MYRIP: variants seen among roughly 807,000 people sequenced by gnomAD.
MYRIP encodes rab effector MyRIP.
In MYRIP, 49 loss-of-function variants were observed where a neutral mutation model predicts 98.0. The observed-to-expected ratio is 0.50, with a 90% CI of 0.40 to 0.63. The LOEUF (loss-of-function observed/expected upper bound fraction) is 0.63. Ranked by LOEUF, MYRIP falls within the 30% of genes least tolerant of loss-of-function variation. MYRIP has a pLI of 0.00. For synonymous variants in MYRIP, 404 were observed against 409.5 expected (o/e 0.99, Z 0.16); for missense variants, 1,004 against 1,058.2 (o/e 0.95, Z 0.71).
chr3:39,900,323 A>T (rs1026911793), intron 1 of MYRIP, among the ~76,000 whole-genome samples: 2 of 151,278 alleles, frequency 1.3e-5, no homozygotes, highest in African/African-American at 2.4e-5. Context: ...GGGATATATT[A>T]TACATAGGAT....
intron 3 of MYRIP, among the ~76,000 whole-genome samples, chr3:40,076,950 G>A (rs1948356380): frequency 6.6e-6 from 1 of 151,848 alleles, no homozygotes; most frequent in Non-Finnish European, 1.5e-5. Flanking sequence ...CTTTTTCATT[G>A]CATATGACAG....
intron 3 of MYRIP, among the ~76,000 whole-genome samples, chr3:40,075,785 G>A (rs1222314889): frequency 1.3e-5 from 2 of 151,968 alleles, no homozygotes; most frequent in Admixed American, 6.6e-5. Context: ...GAGGGTGGGG[G>A]AAAAGCATAG....
chr3:40,186,046 A>T (rs981596100), intron 9 of MYRIP, among the ~76,000 whole-genome samples: 5 of 152,178 alleles, frequency 3.3e-5, no homozygotes, highest in Non-Finnish European at 7.3e-5. Flanking sequence ...ACAACCAAGA[A>T]AATAAACTAT....
chr3:40,154,891 T>C (rs1041139499), intron 4 of MYRIP, among the ~76,000 whole-genome samples: 21 of 152,212 alleles, frequency 1.4e-4, no homozygotes, highest in African/African-American at 5.1e-4. Context: ...GACAATTGGA[T>C]AAATAATATA....
intron 2 of MYRIP, among the ~76,000 whole-genome samples, chr3:40,011,111 A>G (rs1946751606): frequency 6.6e-6 from 1 of 152,206 alleles, no homozygotes; most frequent in South Asian, 2.1e-4. Flanking sequence ...AGCTCGAACC[A>G]GCATGGACAG....
intron 3 of MYRIP, among the ~76,000 whole-genome samples, chr3:40,073,901 C>T (rs573692538): frequency 1.1e-4 from 16 of 152,326 alleles, no homozygotes; most frequent in Non-Finnish European, 2.2e-4. Flanking sequence ...CCTTTCAATT[C>T]TACTCTCTAC....
chr3:40,094,849 T>G (rs1255883354), intron 3 of MYRIP, among the ~76,000 whole-genome samples: 1 of 152,268 alleles, frequency 6.6e-6, no homozygotes, highest in Non-Finnish European at 1.5e-5. Flanking sequence ...TTTCTGCTGA[T>G]GAGCTGCAGT....
intron 2 of MYRIP, among the ~76,000 whole-genome samples, chr3:39,999,246 A>G (rs1298658293): frequency 6.6e-6 from 1 of 152,220 alleles, no homozygotes; most frequent in African/African-American, 2.4e-5. Flanking sequence ...CAGGCCACCT[A>G]CAGAATGGGA....
chr3:39,853,616 T>C (rs978190143), intron 1 of MYRIP, among the ~76,000 whole-genome samples: 1 of 152,188 alleles, frequency 6.6e-6, no homozygotes, highest in African/African-American at 2.4e-5. Context: ...TGTTTTTTTC[T>C]TGATGACTTG....
chr3:40,208,543 T>G (rs557803568), intron 10 of MYRIP, among the ~76,000 whole-genome samples: 28 of 152,310 alleles, frequency 1.8e-4, no homozygotes, highest in Non-Finnish European at 3.7e-4. Context: ...TAGGAGATAT[T>G]CAGCAAGTGG....
chr3:39,878,330 C>T (rs1260456775), intron 1 of MYRIP, among the ~76,000 whole-genome samples: 2 of 152,150 alleles, frequency 1.3e-5, no homozygotes, highest in South Asian at 2.1e-4. Context: ...TGCTTCAGCT[C>T]GAGCACAGTG....
intron 3 of MYRIP, among the ~76,000 whole-genome samples, chr3:40,088,729 G>A (rs998149288): frequency 6.6e-6 from 1 of 152,242 alleles, no homozygotes; most frequent in African/African-American, 2.4e-5. Context: ...GGGAAGAAGT[G>A]CAGGGCCCAG....
At chr3:40,206,088 G>C (rs1170629087) in intron 10 of MYRIP, among the ~76,000 whole-genome samples, 1 of 152,096 alleles carries the variant, frequency 6.6e-6, no homozygotes, top group Admixed American at 6.6e-5. Flanking sequence ...CAAAGTTTGT[G>C]AACAATATCA....
intron 2 of MYRIP, among the ~76,000 whole-genome samples, chr3:40,040,658 G>A (rs1253247697): frequency 3.7e-4 from 26 of 69,714 alleles, no homozygotes; most frequent in African/African-American, 1.4e-3. Flanking sequence ...CATAAAAAAT[G>A]ATGAGTTCAT....
chr3:39,970,588 A>T lies in MYRIP; in HGVS notation c.110+69662A>T, dbSNP rs1599004. 6.1e-3 allele frequency among the ~76,000 whole-genome samples: 930 copies of T among 152,240 alleles called. 6 individuals are homozygous for T. Among genetic ancestry groups the T allele is most frequent in the African/African-American group, 0.021 (887 of 41,562 alleles). On this transcript the variant is annotated intron_variant, in intron 2 of 16. Coordinates refer to ENST00000302541, the MANE Select transcript of MYRIP (RefSeq NM_015460.4). The stretch of plus-strand genomic sequence containing the variant: ...CCAGACATAAAAACAAAATTAGTAA[A>T]CTACCCCAGTTTGAATTCCATTTCC...
At chr3:39,985,979 G>A (rs1559548910) in intron 2 of MYRIP, among the ~76,000 whole-genome samples, 1 of 152,064 alleles carries the variant, frequency 6.6e-6, no homozygotes, top group Non-Finnish European at 1.5e-5. Flanking sequence ...AAACTAAAGA[G>A]CTTCTGCACA....
At chr3:39,913,675 T>C (rs1944081196) in intron 2 of MYRIP, among the ~76,000 whole-genome samples, 1 of 152,232 alleles carries the variant, frequency 6.6e-6, no homozygotes, top group African/African-American at 2.4e-5. Flanking sequence ...TGATATTCCA[T>C]TTTCATTGTT....
chr3:39,992,632 C>T (rs767079277), intron 2 of MYRIP, among the ~76,000 whole-genome samples: 1 of 152,222 alleles, frequency 6.6e-6, no homozygotes, highest in African/African-American at 2.4e-5. Flanking sequence ...ACTTTATTAC[C>T]TAGACCACTG....
intron 2 of MYRIP, among the ~76,000 whole-genome samples, chr3:39,986,053 G>A (rs1018246789): frequency 3.9e-5 from 6 of 152,100 alleles, no homozygotes; most frequent in Admixed American, 6.6e-5. Flanking sequence ...TTTCGCAACC[G>A]ACTCATCTGA....
Sources: allele counts gnomAD v4.1 joint callset (sites outside exome capture counted in the v4.1 genomes callset), GRCh38; gene constraint gnomAD v4.1.1; transcripts MANE v1.5; gene names NCBI Gene and HGNC (gene_info 2026-07-23, HGNC 2026-07-21).